TNS3: variants seen among roughly 807,000 people sequenced by gnomAD.
TNS3 encodes the protein tensin-3.
TNS3 carries 45 observed loss-of-function variants against 140.9 expected under a neutral mutation model. The observed-to-expected ratio is 0.32, with a 90% CI of 0.25 to 0.41. TNS3 has a LOEUF of 0.41. Ranked by LOEUF, TNS3 falls within the 10% of genes least tolerant of loss-of-function variation. The probability of loss-of-function intolerance (pLI) is 1.00; values close to 1 mark genes in which losing one functional copy is unlikely to be tolerated. For missense variants in TNS3, 1,716 were observed against 1,906.7 expected (o/e 0.90, Z 1.86); for synonymous variants, 815 against 788.4 (o/e 1.03, Z -0.56).
chr7:47,278,951 T>G (rs2150525135), intron 30 of TNS3: 1 of 152,324 alleles, frequency 6.6e-6, no homozygotes, highest in African/African-American at 2.4e-5. Context: ...TGTTTAAATT[T>G]AGCAGTTTCC....
At chr7:47,410,164 A>G (rs766878332) in intron 13 of TNS3, among the ~76,000 whole-genome samples, 6 of 152,190 alleles carry the variant, frequency 3.9e-5, no homozygotes, top group Non-Finnish European at 7.3e-5. Flanking sequence ...GAGGAACACC[A>G]GAGCGGATGT....
intron 3 of TNS3, among the ~76,000 whole-genome samples, chr7:47,492,025 T>C (rs769079447): frequency 1.3e-5 from 2 of 152,238 alleles, no homozygotes; most frequent in Non-Finnish European, 2.9e-5. Context: ...CTTTGATTTA[T>C]TCATGTTTAA....
At chr7:47,515,876 T>A (rs1798762663) in intron 2 of TNS3, among the ~76,000 whole-genome samples, 1 of 152,244 alleles carries the variant, frequency 6.6e-6, no homozygotes, top group Non-Finnish European at 1.5e-5. Context: ...TTGTGTTTCA[T>A]GTGTATTTAC....
At chr7:47,429,738 GC>G (rs1445973819) in intron 8 of TNS3, among the ~76,000 whole-genome samples, 1 of 152,152 alleles carries the variant, frequency 6.6e-6, no homozygotes, top group Non-Finnish European at 1.5e-5. Flanking sequence ...AGCCAAAAAG[GC>G]AGGGCCTCTA....
intron 20 of TNS3, among the ~76,000 whole-genome samples, chr7:47,342,296 C>T (rs1222331015): frequency 6.6e-6 from 1 of 152,170 alleles, no homozygotes; most frequent in Non-Finnish European, 1.5e-5. Flanking sequence ...ATTCACCCTC[C>T]GGGAAGTGAA....
chr7:47,324,384 T>C (rs927873521), intron 20 of TNS3, among the ~76,000 whole-genome samples: 26 of 152,166 alleles, frequency 1.7e-4, no homozygotes, highest in African/African-American at 6.3e-4. Context: ...ATTGGGAGGG[T>C]CCAACATGTT....
At chr7:47,535,670 G>C (rs1799573185) in intron 1 of TNS3, among the ~76,000 whole-genome samples, 1 of 152,218 alleles carries the variant, frequency 6.6e-6, no homozygotes, top group Non-Finnish European at 1.5e-5. Flanking sequence ...GACTCCCTGA[G>C]GGGGACACAG....
intron 27 of TNS3, among the ~76,000 whole-genome samples, chr7:47,287,380 C>T (rs1265777193): frequency 6.6e-6 from 1 of 152,166 alleles, no homozygotes; most frequent in Non-Finnish European, 1.5e-5. Context: ...GAGTTGTCTG[C>T]TAATATTTCT....
In TNS3 at chr7:47,375,347, A is replaced by T. The variant is rs114671338; in HGVS notation, c.1025-5726T>A. 6.4e-3 allele frequency among the ~76,000 whole-genome samples: 971 copies of T among 152,310 alleles called. 4 individuals carry two copies. The highest frequency in any genetic ancestry group is 0.022 in the African/African-American group (900 of 41,564). On this transcript the variant is annotated intron_variant, in intron 16 of 30. Coordinates refer to ENST00000311160, the MANE Select transcript of TNS3 (RefSeq NM_022748.12). The stretch of plus-strand genomic sequence containing the variant: ...GGAGGCTGTCCACTGTCTGGCAACG[A>T]TTTCCTGGTGGCCAGATCTTAGTTA...
At chr7:47,529,807 C>CA (rs1215324380) in intron 1 of TNS3, among the ~76,000 whole-genome samples, 1 of 152,208 alleles carries the variant, frequency 6.6e-6, no homozygotes, top group Non-Finnish European at 1.5e-5. Context: ...TATAAGAATT[C>CA]AATTTGCTTT....
rs569963872 is a variant in TNS3 at position 47,301,546 on chromosome 7, C to G, written c.3544+640G>C. On this transcript the variant is annotated intron_variant, in intron 23 of 30. Coordinates refer to ENST00000311160, the MANE Select transcript of TNS3 (RefSeq NM_022748.12). ...GCTTGCTAGCCTTCCTCTCCCACAT[C>G]TCTTCTATTCATGCTCTGGTAAAAA... Among the ~76,000 whole-genome samples, 6 of 151,814 alleles carry G rather than the reference C, an allele frequency of 4.0e-5. No individual in the cohort carries two copies. The East Asian group carries it at 1.2e-3, about 29-fold the overall frequency.
rs541020741 is a variant in TNS3, at chr7:47,297,116, C to A, written c.3642G>T (p.Thr1214=). 1.2e-6 allele frequency: 2 copies of A among 1,614,046 alleles called. No homozygotes were observed. Among genetic ancestry groups the A allele is most frequent in the South Asian group, 2.2e-5 (2 of 91,078 alleles). Residue 1214 remains threonine (T), a synonymous_variant, in exon 24 of 31, where the codon ACG becomes ACT. Coordinates refer to ENST00000311160, the MANE Select transcript of TNS3 (RefSeq NM_022748.12). ...TCAGCTGCAGGACTGAAGGTGGGGG[C>A]GTGGCCACCTTCATGGCCAGGCCAT... ...GAYGLAMKVA[T]PPPSVLQLNK... is the part of the protein sequence containing the mutation.
intron 1 of TNS3, among the ~76,000 whole-genome samples, chr7:47,566,083 A>T (rs1045564006): frequency 6.6e-6 from 1 of 152,236 alleles, no homozygotes; most frequent in African/African-American, 2.4e-5. Flanking sequence ...GCCGAGCCGC[A>T]ACCCAAAGTG....
Position 47,389,154 on chromosome 7 carries a change from A to AGC in TNS3, c.1024+7645_1024+7646insGC, listed in dbSNP as rs1554310555. On this transcript the variant is annotated intron_variant, in intron 16 of 30. Transcript: ENST00000311160. ...GAAGAAGAAGAAGAAGAAGAAGAAG[A>AGC]AGCAGAAGAAGCAGCAGAAGCAGAA... is the stretch of plus-strand genomic sequence containing the variant. 1.2e-3 allele frequency among the ~76,000 whole-genome samples: 97 copies of AGC among 82,298 alleles called. 31 individuals are homozygous for AGC. The highest frequency in any genetic ancestry group is 4.0e-3 in the African/African-American group (96 of 23,750). 54.0% of individuals were successfully genotyped at this position (82,298 alleles called of 152,430 possible).
At chr7:47,521,615 G>A (rs376663899) in intron 2 of TNS3, among the ~76,000 whole-genome samples, 9 of 152,250 alleles carry the variant, frequency 5.9e-5, no homozygotes, top group East Asian at 1.9e-4. Flanking sequence ...GGGACACAGC[G>A]GCAGGGCAGG....
At chr7:47,487,284 C>T (rs1178969145) in intron 3 of TNS3, among the ~76,000 whole-genome samples, 1 of 133,568 alleles carries the variant, frequency 7.5e-6, no homozygotes, top group African/African-American at 2.7e-5. Context: ...CAGAGCAAGA[C>T]TCCGTCTCAA....
intron 3 of TNS3, among the ~76,000 whole-genome samples, chr7:47,503,211 C>CT (rs1192036295): frequency 6.6e-6 from 1 of 152,144 alleles, no homozygotes; most frequent in Non-Finnish European, 1.5e-5. Flanking sequence ...AAGTGCAACT[C>CT]TAAGGAGCAA....
intron 13 of TNS3, among the ~76,000 whole-genome samples, chr7:47,401,457 C>G (rs951505444): frequency 1.3e-5 from 2 of 152,156 alleles, no homozygotes; most frequent in Non-Finnish European, 2.9e-5. Flanking sequence ...GACAGAGATA[C>G]AAAGAAGGAG....
intron 23 of TNS3, among the ~76,000 whole-genome samples, 195 bp downstream of exon 23, chr7:47,301,991 G>A (rs575970613): frequency 3.3e-5 from 5 of 152,356 alleles, no homozygotes; most frequent in African/African-American, 1.2e-4. Context: ...TTAGTAGTGA[G>A]TTTTCCCCTA....
Sources: allele counts gnomAD v4.1 joint callset (sites outside exome capture counted in the v4.1 genomes callset), GRCh38; gene constraint gnomAD v4.1.1; transcripts MANE v1.5; gene names NCBI Gene and HGNC (gene_info 2026-07-23, HGNC 2026-07-21).